Variants in CSMD3 observed in about 807,000 individuals in gnomAD.
CSMD3 encodes CUB and sushi domain-containing protein 3.
CSMD3 carries 177 observed loss-of-function variants against 435.2 expected under a neutral mutation model. That is an observed-to-expected ratio of 0.41 (90% CI 0.36 to 0.46). The LOEUF (loss-of-function observed/expected upper bound fraction) is 0.46, where lower values mean the gene tolerates loss of function less well. CSMD3 is among the 20% of genes least tolerant of loss of function. The pLI is 0.34. For synonymous variants in CSMD3, 1,656 were observed against 1,520.5 expected (o/e 1.09, Z -2.07); for missense variants, 4,265 against 4,504.6 (o/e 0.95, Z 1.52).
At chr8:112,935,761 C>T (rs1383980073) in intron 9 of CSMD3, among the ~76,000 whole-genome samples, 2 of 151,100 alleles carry the variant, frequency 1.3e-5, no homozygotes, top group African/African-American at 4.9e-5. Context: ...ATTCTAACTG[C>T]AAGGGGGAAG....
chr8:112,270,708 G>A (rs1325600639), intron 59 of CSMD3, among the ~76,000 whole-genome samples: 3 of 152,068 alleles, frequency 2.0e-5, no homozygotes, highest in East Asian at 3.9e-4. Flanking sequence ...AAAGGTTTTT[G>A]TAAGAAAACA....
chr8:113,278,790 AT>A, intron 2 of CSMD3, 86 bp from the exon 3 acceptor site: 3 of 718,124 alleles, frequency 4.2e-6, no homozygotes, highest in East Asian at 5.6e-5. Flanking sequence ...TTTAAAAAAA[AT>A]AATAAAACAG....
chr8:112,626,143 T>C (rs1290385440), intron 22 of CSMD3, among the ~76,000 whole-genome samples: 1 of 151,958 alleles, frequency 6.6e-6, no homozygotes, highest in Non-Finnish European at 1.5e-5. Flanking sequence ...AATGAAAAAA[T>C]GAAATTCATT....
rs2075530878 is a variant in CSMD3 at position 112,666,543 on chromosome 8, AAG to A, written c.2678-130_2678-129del. The stretch of plus-strand genomic sequence containing the variant: ...ATTAAATAGTTAATACTATTTTTGA[AAG>A]CAATGGTACATCTAGTCAATTACTT... On this transcript the variant is annotated intron_variant, in intron 16 of 70. Transcript: ENST00000297405. 5.2e-6 allele frequency: 4 copies of A among 776,342 alleles called. No homozygotes were observed. In the African/African-American group the frequency reaches 7.0e-5, roughly 14 times the overall value. 48.1% of individuals were successfully genotyped at this position (776,342 alleles called of 1,614,324 possible).
At chr8:112,446,341 T>C (rs990938057) in intron 32 of CSMD3, among the ~76,000 whole-genome samples, 1 of 152,236 alleles carries the variant, frequency 6.6e-6, no homozygotes, top group Non-Finnish European at 1.5e-5. Flanking sequence ...GGCATGCTGA[T>C]ATTGCCAAAA....
chr8:112,569,002 T>A (rs898078982), intron 24 of CSMD3, among the ~76,000 whole-genome samples: 1 of 152,144 alleles, frequency 6.6e-6, no homozygotes, highest in African/African-American at 2.4e-5. Flanking sequence ...AACCAATTAT[T>A]TAGTCTTCCA....
Position 113,049,580 on chromosome 8 carries a change from A to G in CSMD3, c.918-30401T>C, listed in dbSNP as rs556392084. 4.6e-5 allele frequency among the ~76,000 whole-genome samples: 7 copies of G among 152,290 alleles called. No homozygotes were observed. The East Asian group carries it at 1.3e-3, about 29-fold the overall frequency. Reference sequence around the variant, plus strand: ...TAAAATCACAGCAGACACACACAAAAAAGCAGATCAATAAATATGAAGATC... The same window carrying G: ...TAAAATCACAGCAGACACACACAAAGAAGCAGATCAATAAATATGAAGATC... On this transcript the variant is annotated intron_variant, in intron 5 of 70. Transcript: ENST00000297405.
At chr8:112,545,767 G>A (rs901165593) in intron 27 of CSMD3, among the ~76,000 whole-genome samples, 2 of 152,032 alleles carry the variant, frequency 1.3e-5, no homozygotes, top group Non-Finnish European at 2.9e-5. Flanking sequence ...ACTGAGCACT[G>A]CAAACTTATG....
intron 35 of CSMD3, among the ~76,000 whole-genome samples, chr8:112,403,581 C>G (rs1255983173): frequency 1.3e-5 from 2 of 152,224 alleles, no homozygotes; most frequent in African/African-American, 2.4e-5. Context: ...GCTTCATAGA[C>G]AGTGCCTCTG....
At chr8:113,265,694 T>A (rs1200357917) in intron 3 of CSMD3, among the ~76,000 whole-genome samples, 2 of 151,616 alleles carry the variant, frequency 1.3e-5, no homozygotes, top group African/African-American at 4.8e-5. Flanking sequence ...TATATTTAAA[T>A]AATAAACTGA....
At chr8:112,921,197 T>G (rs2130625652) in intron 10 of CSMD3, among the ~76,000 whole-genome samples, 1 of 152,070 alleles carries the variant, frequency 6.6e-6, no homozygotes, top group Admixed American at 6.6e-5. Context: ...TGTTCTAGAT[T>G]AAATTAACTA....
intron 3 of CSMD3, among the ~76,000 whole-genome samples, chr8:113,215,864 A>G (rs1563557507): frequency 1.3e-5 from 2 of 151,706 alleles, no homozygotes; most frequent in African/African-American, 2.4e-5. Context: ...TGTACTTGAA[A>G]CCACCTTTTA....
intron 5 of CSMD3, among the ~76,000 whole-genome samples, chr8:113,042,626 T>C (rs2087671397): frequency 6.6e-6 from 1 of 152,190 alleles, no homozygotes; most frequent in Admixed American, 6.5e-5. Context: ...GATTTATGTG[T>C]CTTTTCCTTT....
intron 5 of CSMD3, among the ~76,000 whole-genome samples, chr8:113,075,891 C>T (rs1333494860): frequency 1.3e-5 from 2 of 151,652 alleles, no homozygotes; most frequent in South Asian, 2.1e-4. Flanking sequence ...ATTCTATTGG[C>T]AACATAAAAG....
intron 5 of CSMD3, among the ~76,000 whole-genome samples, chr8:113,071,959 C>T (rs778432388): frequency 2.0e-5 from 3 of 151,696 alleles, no homozygotes; most frequent in Non-Finnish European, 4.4e-5. Flanking sequence ...GAGATCTTTT[C>T]ATTTATCTGT....
At chr8:112,275,278 T>G (rs1242636649) in intron 59 of CSMD3, among the ~76,000 whole-genome samples, 4 of 152,186 alleles carry the variant, frequency 2.6e-5, no homozygotes, top group Non-Finnish European at 5.9e-5. Flanking sequence ...CTGGGCACGG[T>G]GGCTCTCGCC....
At chr8:112,510,840 A>G (rs1294209648) in intron 28 of CSMD3, among the ~76,000 whole-genome samples, 2 of 152,200 alleles carry the variant, frequency 1.3e-5, no homozygotes, top group Non-Finnish European at 2.9e-5. Context: ...AATTCAGTGC[A>G]TACTATATAT....
In CSMD3 at chr8:113,185,751, G is replaced by A. The variant is rs140192329; in HGVS notation, c.515-11835C>T. ...TGTGTGCATGCATGTGTGCATGCGTGTGTGTGTGCATGTGCACGCGTGCGT... is the reference window on the plus strand; with the variant it reads ...TGTGTGCATGCATGTGTGCATGCGTATGTGTGTGCATGTGCACGCGTGCGT... On this transcript the variant is annotated intron_variant, in intron 3 of 70. Transcript: ENST00000297405. Among the ~76,000 whole-genome samples the A allele has an allele frequency of 1.0e-3, 154 of 152,048 alleles. 1 individual carries two copies. The highest frequency in any genetic ancestry group is 3.4e-4 in the Non-Finnish European group (23 of 67,984).
intron 4 of CSMD3, among the ~76,000 whole-genome samples, chr8:113,170,741 C>T (rs1402569647): frequency 1.3e-5 from 2 of 152,028 alleles, no homozygotes; most frequent in Non-Finnish European, 2.9e-5. Context: ...TAACATAATG[C>T]TTTGCAGAAG....
Sources: gnomAD v4.1 joint callset for allele counts (sites outside exome capture counted in the v4.1 genomes callset) on GRCh38, gnomAD v4.1.1 for gene constraint, MANE v1.5 for transcripts, NCBI Gene and HGNC (gene_info 2026-07-23, HGNC 2026-07-21) for gene names.